The following NAA16 variants were observed in gnomAD, a reference collection of about 807,000 sequenced individuals.
NAA16 encodes NARG1-like protein.
NAA16 carries 97 observed loss-of-function variants against 110.3 expected under a neutral mutation model. That is an observed-to-expected ratio of 0.88 (90% CI 0.75 to 1.04). NAA16 has a LOEUF of 1.04. NAA16 is among the 50% of genes least tolerant of loss of function. The probability of loss-of-function intolerance (pLI) is 0.00; values close to 1 mark genes in which losing one functional copy is unlikely to be tolerated. For missense variants in NAA16, 1,017 were observed against 1,005.1 expected (o/e 1.01, Z -0.16); for synonymous variants, 372 against 330.6 (o/e 1.13, Z -1.36).
chr13:41,321,006 A>G (rs1316670097), intron 4 of NAA16, among the ~76,000 whole-genome samples, 182 bp downstream of exon 4: 3 of 152,248 alleles, frequency 2.0e-5, no homozygotes, highest in South Asian at 2.1e-4. Flanking sequence ...TGAGTATTCA[A>G]AAAGAATAAC....
Position 41,372,275 on chromosome 13 carries a change from A to C in NAA16, c.2020A>C (p.Thr674Pro). Residue 674 changes from threonine (T) to proline (P), a missense_variant, in exon 16 of 20, where the codon ACT (threonine) becomes CCT (proline). Coordinates refer to ENST00000379406, the MANE Select transcript of NAA16 (RefSeq NM_024561.5). ...GAACCTTGTTGCTGATAACATTGAC[A>C]CTCATCTGTTAGCATTTGAAATATA... ...LKNLVADNID[T>P]HLLAFEIYFR... 2.5e-6 allele frequency: 4 copies of C among 1,600,118 alleles called. No individual in the cohort carries two copies. Among genetic ancestry groups the C allele is most frequent in the Non-Finnish European group, 3.4e-6 (4 of 1,174,314 alleles).
At chr13:41,327,854 C>T (rs2042133598) in intron 6 of NAA16, 1 of 151,588 alleles carries the variant, frequency 6.6e-6, no homozygotes. Flanking sequence ...GGTAATTATT[C>T]CTAGTTCAGT....
intron 8 of NAA16, among the ~76,000 whole-genome samples, chr13:41,334,218 A>G (rs1000711302): frequency 6.6e-6 from 1 of 152,164 alleles, no homozygotes; most frequent in Non-Finnish European, 1.5e-5. Flanking sequence ...GAAAGTTTTG[A>G]AAAAGCCTTT....
At chr13:41,356,352 A>G (rs532193488) in intron 10 of NAA16, among the ~76,000 whole-genome samples, 1 of 152,182 alleles carries the variant, frequency 6.6e-6, no homozygotes, top group African/African-American at 2.4e-5. Context: ...CACATTCCAG[A>G]CTTACTGTTT....
chr13:41,341,088 A>G (rs2042532741), intron 9 of NAA16, among the ~76,000 whole-genome samples: 1 of 152,226 alleles, frequency 6.6e-6, no homozygotes, highest in Middle Eastern at 3.4e-3. Context: ...TATGCGGTCA[A>G]TTTTAGAATA....
intron 9 of NAA16, among the ~76,000 whole-genome samples, chr13:41,338,439 A>T (rs2042441801): frequency 6.6e-6 from 1 of 152,160 alleles, no homozygotes; most frequent in Admixed American, 6.5e-5. Context: ...ATGTTTTTGA[A>T]TAAGGCACTG....
At chr13:41,342,134 T>C (rs1288391884) in intron 9 of NAA16, among the ~76,000 whole-genome samples, 4 of 141,904 alleles carry the variant, frequency 2.8e-5, no homozygotes, top group African/African-American at 1.1e-4. Flanking sequence ...ACCGGGCCTC[T>C]CTCTCTCTCT....
chr13:41,372,727 C>A lies in NAA16; in HGVS notation c.2057-5C>A. 1 of 1,583,192 alleles carries A rather than the reference C, an allele frequency of 6.3e-7. No homozygotes were observed. The highest frequency in any genetic ancestry group is 8.6e-7 in the Non-Finnish European group (1 of 1,162,632). The stretch of plus-strand genomic sequence containing the variant: ...GCTATTACTTTTGTATTTTTTCTGA[C>A]ACAGGAAAGTTTCTGTTAATGCTGC... On this transcript the variant is annotated splice_region_variant and splice_polypyrimidine_tract_variant and intron_variant, in intron 16 of 19. Transcript: ENST00000379406.
intron 1 of NAA16, among the ~76,000 whole-genome samples, chr13:41,312,585 C>G (rs953825420): frequency 9.9e-5 from 15 of 152,126 alleles, no homozygotes; most frequent in African/African-American, 3.6e-4. Context: ...GCTAAACATG[C>G]ATTTAGGTTT....
At chr13:41,372,484 T>C (rs1356736374) in intron 16 of NAA16, 173 bp downstream of exon 16, 3 of 985,096 alleles carry the variant, frequency 3.0e-6, no homozygotes, top group East Asian at 1.1e-4. Context: ...AATAGTACTA[T>C]CAAATCCAGT....
intron 9 of NAA16, among the ~76,000 whole-genome samples, chr13:41,338,883 C>T (rs907906720): frequency 1.3e-5 from 2 of 151,934 alleles, no homozygotes; most frequent in Middle Eastern, 3.2e-3. Flanking sequence ...TGCACTGCAC[C>T]CCAGGAAGCC....
At chr13:41,363,505 G>GT (rs1468855062) in intron 13 of NAA16, among the ~76,000 whole-genome samples, 1 of 151,906 alleles carries the variant, frequency 6.6e-6, no homozygotes. Flanking sequence ...ATATTGCTTT[G>GT]TTTTTTAAAA....
Position 41,374,802 on chromosome 13 carries a change from C to G in NAA16, c.2360C>G (p.Thr787Ser). 6.2e-7 allele frequency: 1 copy of G among 1,612,268 alleles called. No homozygotes were observed. Among genetic ancestry groups the G allele is most frequent in the South Asian group, 1.1e-5 (1 of 90,806 alleles). ...CAGGAGAAAGCAATTGCTATAGCCA[C>G]TAGACTAGATGAAACTATAAAAGAT... is the stretch of plus-strand genomic sequence containing the variant. The part of the protein sequence containing the change: ...SRQEKAIAIA[T>S]RLDETIKDKD... Residue 787 changes from threonine (T) to serine (S), a missense_variant, in exon 19 of 20, where the codon ACT (threonine) becomes AGT (serine). Thr to Ser is a moderately conservative substitution (Grantham distance 58). Transcript: ENST00000379406.
chr13:41,311,316 AG>A lies in NAA16; in HGVS notation c.-209del. ...CGCCGCTGGCCAAAAAGCGGAGCCCAGGGGAAGCGTGTCCTGCTCAGACCGC... is the reference window on the plus strand; with the variant it reads ...CGCCGCTGGCCAAAAAGCGGAGCCCAGGGAAGCGTGTCCTGCTCAGACCGC... On this transcript the variant is annotated 5_prime_UTR_variant, in exon 1 of 20. Transcript: ENST00000379406. The A allele has an allele frequency of 1.8e-6, 1 of 552,274 alleles. No homozygotes were observed. The highest frequency in any genetic ancestry group is 3.2e-6 in the Non-Finnish European group (1 of 316,406). The allele number at this position is 552,274 out of a possible 1,614,324, so 34.2% of individuals were successfully genotyped here.
At position 41,358,364 on chromosome 13, in the gene NAA16, A is replaced by C; in HGVS notation, c.1148A>C (p.His383Pro). The change falls in exon 11 of 20, where the codon CAC becomes CCC. Residue 383 changes from histidine (H) to proline (P), a missense_variant. His to Pro is a moderately conservative substitution (Grantham distance 77, BLOSUM62 -2). Coordinates refer to ENST00000379406, the MANE Select transcript of NAA16 (RefSeq NM_024561.5). The stretch of plus-strand genomic sequence containing the variant: ...TGGGTTCAGTATTTCCTGGCACAGC[A>C]CTTTGATAAACTTGGACAGTATTCT... ...LLWVQYFLAQ[H>P]FDKLGQYSLA... The C allele has an allele frequency of 1.2e-6, 2 of 1,614,016 alleles. No homozygotes were observed.
At chr13:41,328,990 A>C in intron 7 of NAA16, 147 bp downstream of exon 7, 1 of 662,728 alleles carries the variant, frequency 1.5e-6, no homozygotes, top group South Asian at 1.8e-5. Flanking sequence ...CATGGGAGTA[A>C]AAATGAATTC....
chr13:41,336,926 G>T (rs1227462270), intron 9 of NAA16, among the ~76,000 whole-genome samples, 170 bp downstream of exon 9: 1 of 152,098 alleles, frequency 6.6e-6, no homozygotes, highest in Non-Finnish European at 1.5e-5. Flanking sequence ...TAATATCAAA[G>T]TAAAGGGTTT....
At chr13:41,365,918 T>C (rs1263570099) in intron 13 of NAA16, among the ~76,000 whole-genome samples, 1 of 152,228 alleles carries the variant, frequency 6.6e-6, no homozygotes, top group Non-Finnish European at 1.5e-5. Flanking sequence ...TGTCCTGTAA[T>C]CTCTTAGATG....
At chr13:41,363,646 T>A (rs1245980773) in intron 13 of NAA16, among the ~76,000 whole-genome samples, 1 of 152,164 alleles carries the variant, frequency 6.6e-6, no homozygotes, top group African/African-American at 2.4e-5. Flanking sequence ...TCAGAAAATC[T>A]ACTGACATAG....
Sources: gnomAD v4.1 joint callset for allele counts (sites outside exome capture counted in the v4.1 genomes callset) on GRCh38, gnomAD v4.1.1 for gene constraint, MANE v1.5 for transcripts, NCBI Gene and HGNC (gene_info 2026-07-23, HGNC 2026-07-21) for gene names.